Variants in DCDC1 observed in about 807,000 individuals in gnomAD.
DCDC1 encodes the protein doublecortin domain containing 1.
A neutral mutation model predicts 178.3 loss-of-function variants in DCDC1; 200 were observed. The ratio of observed to expected loss-of-function variants is 1.12; its 90% CI spans 1.00 to 1.26. The LOEUF (loss-of-function observed/expected upper bound fraction) is 1.26. DCDC1 is among the 50% of genes most tolerant of loss of function. The pLI, the probability that DCDC1 is intolerant of heterozygous loss-of-function variation, is 0.00. For synonymous variants in DCDC1, 690 were observed against 604.8 expected (o/e 1.14, Z -2.07); for missense variants, 1,983 against 1,749.2 (o/e 1.13, Z -2.38).
At chr11:30,991,411 A>T (rs767623898) in intron 20 of DCDC1, among the ~76,000 whole-genome samples, 7 of 152,330 alleles carry the variant, frequency 4.6e-5, no homozygotes, top group Non-Finnish European at 8.8e-5. Context: ...GCAAAATGCC[A>T]TGATTCTAAT....
intron 9 of DCDC1, among the ~76,000 whole-genome samples, chr11:31,179,402 A>G (rs1591322460): frequency 2.6e-5 from 4 of 152,250 alleles, no homozygotes; most frequent in African/African-American, 9.6e-5. Context: ...TATTCACAAC[A>G]GCCAAAATAC....
intron 20 of DCDC1, among the ~76,000 whole-genome samples, chr11:31,045,413 G>A (rs1007790498): frequency 2.1e-5 from 3 of 145,324 alleles, no homozygotes; most frequent in East Asian, 2.0e-4. Context: ...TTTTTAACTC[G>A]CCTTAGACTT....
At chr11:31,166,659 G>A (rs905862924) in intron 9 of DCDC1, among the ~76,000 whole-genome samples, 1 of 152,050 alleles carries the variant, frequency 6.6e-6, no homozygotes, top group African/African-American at 2.4e-5. Context: ...AAGAAAAAGG[G>A]AAGGGAGAGA....
rs141063677 is a variant in DCDC1, at chr11:31,153,785, A to AACACACACACACACACACACACACACAC, written c.1222-16029_1222-16002dup. Among the ~76,000 whole-genome samples the AACACACACACACACACACACACACACAC allele has an allele frequency of 1.1e-3, 150 of 132,672 alleles. 3 individuals carry two copies. The highest frequency in any genetic ancestry group is 3.4e-3 in the South Asian group (13 of 3,832). The allele number at this position is 132,672 out of a possible 152,430, so 87.0% of individuals were successfully genotyped here. A position where few individuals can be genotyped will look rare whatever the true frequency, so the allele number is the denominator to read the frequency against. On this transcript the variant is annotated intron_variant, in intron 9 of 38. Coordinates refer to ENST00000684477, the MANE Select transcript of DCDC1 (RefSeq NM_001387274.1). The stretch of plus-strand genomic sequence containing the variant: ...GCGATAGAGCCAGACTCAGTCTTAA[A>AACACACACACACACACACACACACACAC]ACACACACACACACACACACACACA...
intron 20 of DCDC1, among the ~76,000 whole-genome samples, chr11:30,985,987 G>C (rs114145618): frequency 6.6e-6 from 1 of 152,144 alleles, no homozygotes; most frequent in Non-Finnish European, 1.5e-5. Context: ...GCTCAGCAGC[G>C]TCTAGCAGAA....
intron 20 of DCDC1, among the ~76,000 whole-genome samples, chr11:30,988,048 CTG>C (rs1222578502): frequency 6.6e-6 from 1 of 152,070 alleles, no homozygotes; most frequent in African/African-American, 2.4e-5. Context: ...AGAAGCCAGA[CTG>C]TGGAGTGTTT....
At chr11:30,940,791 T>C (rs1464289471) in intron 21 of DCDC1, among the ~76,000 whole-genome samples, 1 of 152,166 alleles carries the variant, frequency 6.6e-6, no homozygotes, top group Non-Finnish European at 1.5e-5. Flanking sequence ...TCTTTCCTTC[T>C]AATTCTTTGA....
chr11:30,994,156 C>A (rs1033598939), intron 20 of DCDC1, among the ~76,000 whole-genome samples: 4 of 152,002 alleles, frequency 2.6e-5, no homozygotes, highest in African/African-American at 7.2e-5. Context: ...ATTTGAAAAT[C>A]AATTAATGTA....
chr11:31,062,541 G>A (rs1372996903), intron 20 of DCDC1, among the ~76,000 whole-genome samples: 1 of 151,968 alleles, frequency 6.6e-6, no homozygotes, highest in African/African-American at 2.4e-5. Context: ...AAGAATACCT[G>A]GAACTTAAGT....
chr11:31,255,563 A>G (rs1944363865), intron 8 of DCDC1, among the ~76,000 whole-genome samples: 2 of 152,034 alleles, frequency 1.3e-5, no homozygotes, highest in African/African-American at 4.8e-5. Flanking sequence ...TTTGACTTGC[A>G]TTTCCCTAAT....
intron 11 of DCDC1, among the ~76,000 whole-genome samples, chr11:31,114,707 G>A (rs1394847313): frequency 2.6e-5 from 4 of 152,172 alleles, no homozygotes; most frequent in African/African-American, 9.7e-5. Flanking sequence ...CAGAGAGAAA[G>A]TAAATAAGAA....
In DCDC1 at chr11:31,335,210, G is replaced by T. The variant is rs191454098; in HGVS notation, c.-7+237C>A. ...CGTGGGCATGGGACCCACTGAAGCAGGTGCGGGATATAATCTCCTGGTGTG... is the reference window on the plus strand; with the variant it reads ...CGTGGGCATGGGACCCACTGAAGCATGTGCGGGATATAATCTCCTGGTGTG... On this transcript the variant is annotated intron_variant, in intron 2 of 38. Transcript: ENST00000684477. Among the ~76,000 whole-genome samples the T allele has an allele frequency of 5.3e-4, 80 of 152,326 alleles. 2 individuals carry two copies. The highest frequency in any genetic ancestry group is 3.5e-3 in the East Asian group (18 of 5,182).
chr11:31,310,109 T>C (rs1324145721), intron 3 of DCDC1, among the ~76,000 whole-genome samples: 1 of 152,084 alleles, frequency 6.6e-6, no homozygotes, highest in African/African-American at 2.4e-5. Flanking sequence ...CAGTGAATGG[T>C]AAAAATAATT....
At chr11:30,884,370 CT>C (rs1209146014) in intron 36 of DCDC1, among the ~76,000 whole-genome samples, 2 of 152,062 alleles carry the variant, frequency 1.3e-5, no homozygotes, top group Non-Finnish European at 2.9e-5. Flanking sequence ...ATGTTTTCCT[CT>C]CTTTTTTTTG....
chr11:31,269,415 C>T (rs2137148552), intron 7 of DCDC1, among the ~76,000 whole-genome samples: 1 of 151,268 alleles, frequency 6.6e-6, no homozygotes, highest in East Asian at 2.0e-4. Context: ...CAGAGTCTTG[C>T]TCTGTCACCC....
chr11:31,213,210 T>G (rs185570016), intron 9 of DCDC1, among the ~76,000 whole-genome samples: 24 of 147,236 alleles, frequency 1.6e-4, no homozygotes, highest in African/African-American at 5.1e-4. Context: ...GAAAGGCATG[T>G]GGCTCTTCAG....
chr11:31,307,689 T>C lies in DCDC1; in HGVS notation c.384A>G (p.Ile128Met), dbSNP rs760855433. 1.9e-5 allele frequency: 31 copies of C among 1,613,986 alleles called. No individual in the cohort carries two copies. Among genetic ancestry groups the C allele is most frequent in the South Asian group, 6.6e-5 (6 of 91,090 alleles). ...CAGGTCTGTTTCTCTTGGATGCTGA[T>C]ATAGAACAAGAATTGTTTTTACTGT... ...KSNSKNNSCS[I>M]SASKRNRPVS... The change falls in exon 4 of 39, where the codon ATA (isoleucine) becomes ATG (methionine). Residue 128 changes from isoleucine to methionine, a missense_variant. Coordinates refer to ENST00000684477, the MANE Select transcript of DCDC1 (RefSeq NM_001387274.1).
chr11:30,895,306 C>T (rs1226189132), intron 34 of DCDC1, among the ~76,000 whole-genome samples: 1 of 152,070 alleles, frequency 6.6e-6, no homozygotes, highest in East Asian at 1.9e-4. Context: ...ATGATTATAC[C>T]AATAATGGAT....
chr11:31,223,301 G>C (rs2136687366), intron 9 of DCDC1, among the ~76,000 whole-genome samples: 1 of 152,154 alleles, frequency 6.6e-6, no homozygotes, highest in South Asian at 2.1e-4. Context: ...ACTATTATTT[G>C]ATAAATAAGT....
Sources: allele counts gnomAD v4.1 joint callset (sites outside exome capture counted in the v4.1 genomes callset), GRCh38; gene constraint gnomAD v4.1.1; transcripts MANE v1.5; gene names NCBI Gene and HGNC (gene_info 2026-07-23, HGNC 2026-07-21).